The following VRK3 variants were observed in gnomAD, a reference collection of about 807,000 sequenced individuals.
The protein encoded by VRK3 is serine/threonine-protein kinase VRK3.
A neutral mutation model predicts 60.4 loss-of-function variants in VRK3; 50 were observed. The ratio of observed to expected loss-of-function variants is 0.83; its 90% confidence interval spans 0.66 to 1.05. The LOEUF (loss-of-function observed/expected upper bound fraction) is 1.05, where lower values mean the gene tolerates loss of function less well. Among genes scored for constraint, VRK3 ranks in the 50% least tolerant of loss-of-function variants. The probability of loss-of-function intolerance (pLI) is 0.00; values close to 1 mark genes in which losing one functional copy is unlikely to be tolerated. For missense variants in VRK3, 549 were observed against 585.3 expected (o/e 0.94, Z 0.64); for synonymous variants, 246 against 227.8 (o/e 1.08, Z -0.72).
intron 5 of VRK3, among the ~76,000 whole-genome samples, chr19:50,001,861 A>G (rs1044893542): frequency 8.6e-5 from 13 of 152,020 alleles, no homozygotes; most frequent in Non-Finnish European, 1.5e-4. Flanking sequence ...CTACCCCGAG[A>G]CTGGCTGCAA....
intron 5 of VRK3, among the ~76,000 whole-genome samples, chr19:50,003,863 G>T (rs1418308600): frequency 6.6e-6 from 1 of 152,200 alleles, no homozygotes; most frequent in Non-Finnish European, 1.5e-5. Flanking sequence ...CACTGTCTGT[G>T]CTGGCACCGC....
intron 13 of VRK3, 129 bp from the exon 14 acceptor site, chr19:49,979,371 A>T: frequency 7.6e-7 from 1 of 1,317,846 alleles, no homozygotes; most frequent in South Asian, 1.3e-5. Context: ...AAAAGTGCCC[A>T]TTTTCTTGTT....
intron 5 of VRK3, 26 bp downstream of exon 5, chr19:50,007,543 C>G: frequency 6.2e-7 from 1 of 1,610,932 alleles, no homozygotes; most frequent in Middle Eastern, 1.7e-4. Flanking sequence ...CGACCCAGTC[C>G]CTGGCCGCCC....
intron 12 of VRK3, chr19:49,981,276 G>A (rs1159005354): frequency 4.1e-6 from 2 of 493,412 alleles, no homozygotes; most frequent in South Asian, 2.3e-5. Context: ...GCCGGGCACA[G>A]TGGCTCACGC....
intron 10 of VRK3, 95 bp from the exon 11 acceptor site, chr19:49,989,866 C>T: frequency 7.3e-7 from 1 of 1,378,020 alleles, no homozygotes. Context: ...AACATTCTAC[C>T]AAAGATGGCA....
chr19:50,002,426 T>A (rs1244659313), intron 5 of VRK3, among the ~76,000 whole-genome samples: 1 of 151,730 alleles, frequency 6.6e-6, no homozygotes, highest in Non-Finnish European at 1.5e-5. Context: ...ACTGGGGGGA[T>A]CATGCTGGAG....
rs770565940 is a variant in VRK3, at chr19:49,989,708, C to T, written c.1027G>A (p.Val343Met). Residue 343 changes from valine (V) to methionine (M), a missense_variant, in exon 11 of 15, where the codon GTG becomes ATG. By Grantham distance (21) the Val-to-Met change is conservative. Transcript: ENST00000316763. ...YCPSGKHVAY[V>M]EGSRSPHEGD... Reference sequence around the variant, plus strand: ...TCGTGAGGGCTCCTGCTGCCTTCCACGTAGGCCACGTGTTTGCCACTTGGG... The same window carrying T: ...TCGTGAGGGCTCCTGCTGCCTTCCATGTAGGCCACGTGTTTGCCACTTGGG... 9.3e-6 allele frequency: 15 copies of T among 1,613,826 alleles called. No homozygotes were observed. The East Asian group carries it at 1.1e-4, about 12-fold the overall frequency.
intron 12 of VRK3, chr19:49,982,256 G>T (rs1470483755): frequency 2.9e-6 from 2 of 701,536 alleles, no homozygotes; most frequent in African/African-American, 3.5e-5. Flanking sequence ...GAACAAAGCT[G>T]ATAAAACACA....
chr19:49,997,590 G>T lies in VRK3; in HGVS notation c.613-20C>A. On this transcript the variant is annotated intron_variant, in intron 6 of 14. Coordinates refer to ENST00000316763, the MANE Select transcript of VRK3 (RefSeq NM_016440.4). ...GGCATCCTGGTGGGGGACAGGAGGG[G>T]CAGAAGGCTGTCACACTGAAGTCTC... 1 of 1,613,164 alleles carries T rather than the reference G, an allele frequency of 6.2e-7. No individual in the cohort carries two copies.
At chr19:49,984,941 C>A (rs2076486514) in intron 12 of VRK3, among the ~76,000 whole-genome samples, 1 of 152,204 alleles carries the variant, frequency 6.6e-6, no homozygotes, top group Non-Finnish European at 1.5e-5. Context: ...ATTCCTTGGG[C>A]ACCCACAATG....
chr19:50,012,487 C>A (rs960360016), intron 3 of VRK3, among the ~76,000 whole-genome samples: 1 of 152,148 alleles, frequency 6.6e-6, no homozygotes, highest in African/African-American at 2.4e-5. Context: ...ATCCTCGGGA[C>A]AAATACAGCA....
At chr19:50,004,692 G>A (rs1231802430) in intron 5 of VRK3, among the ~76,000 whole-genome samples, 1 of 152,108 alleles carries the variant, frequency 6.6e-6, no homozygotes, top group East Asian at 1.9e-4. Context: ...AGGATCGCTT[G>A]AGCCCAGGAG....
At chr19:50,018,479 G>C (rs187427397) in intron 2 of VRK3, among the ~76,000 whole-genome samples, 1 of 152,292 alleles carries the variant, frequency 6.6e-6, no homozygotes, top group African/African-American at 2.4e-5. Context: ...AGGAGAGAAG[G>C]GGTCCTGGAT....
Position 50,016,253 on chromosome 19 carries a change from G to A in VRK3, c.-1-90C>T, listed in dbSNP as rs768109161. 136 of 1,543,902 alleles carry A rather than the reference G, an allele frequency of 8.8e-5. No individual in the cohort carries two copies. In the African/African-American group the frequency reaches 1.7e-3, roughly 19 times the overall value. On this transcript the variant is annotated intron_variant, in intron 2 of 14. Coordinates refer to ENST00000316763, the MANE Select transcript of VRK3 (RefSeq NM_016440.4). ...TGAACTGCTCTTAATCACAGGGTGA[G>A]TGGCAGGAGGCACAACCAGGGTCTT...
intron 12 of VRK3, among the ~76,000 whole-genome samples, chr19:49,982,861 C>T (rs2076446888): frequency 6.6e-6 from 1 of 152,176 alleles, no homozygotes; most frequent in Non-Finnish European, 1.5e-5. Context: ...CCTCCAGGCC[C>T]AGCCCCTCCA....
chr19:50,024,520 C>G (rs1334909059), intron 1 of VRK3, among the ~76,000 whole-genome samples: 1 of 152,132 alleles, frequency 6.6e-6, no homozygotes, highest in Non-Finnish European at 1.5e-5. Context: ...TTTAACATTT[C>G]TTTTTTAGTG....
In VRK3 at chr19:49,988,174, CCAGG is replaced by C. The variant is rs1370773754; in HGVS notation, c.1217+194_1217+197del. On this transcript the variant is annotated intron_variant, in intron 12 of 14. Transcript: ENST00000316763. ...ACAGTGGTGGTGCCAGAGTCTGAGC[CCAGG>C]CAGTGTGGCTCCGGAACACCTGCCT... 9 of 687,652 alleles carry C rather than the reference CCAGG, an allele frequency of 1.3e-5. No individual in the cohort carries two copies. The African/African-American group carries it at 1.7e-4, about 13-fold the overall frequency. 42.6% of individuals were successfully genotyped at this position (687,652 alleles called of 1,614,324 possible). A position where few individuals can be genotyped will look rare whatever the true frequency, so the allele number is the denominator to read the frequency against.
intron 6 of VRK3, chr19:49,998,422 G>C (rs913016264): frequency 6.6e-6 from 1 of 151,824 alleles, no homozygotes; most frequent in Admixed American, 6.6e-5. Context: ...GGGAGGCGGA[G>C]GTTGCAGTGA....
intron 14 of VRK3, chr19:49,978,836 A>AC (rs1244593490): frequency 3.3e-5 from 13 of 388,708 alleles, no homozygotes; most frequent in African/African-American, 2.5e-4. Flanking sequence ...CCCCCTTGTA[A>AC]TTTTCTAGCT....
Sources: gnomAD v4.1 joint callset for allele counts (sites outside exome capture counted in the v4.1 genomes callset) on GRCh38, gnomAD v4.1.1 for gene constraint, MANE v1.5 for transcripts, NCBI Gene and HGNC (gene_info 2026-07-23, HGNC 2026-07-21) for gene names.